The following GUCY1A2 variants were observed in gnomAD, a reference collection of about 807,000 sequenced individuals.
GUCY1A2 encodes guanylate cyclase 1 soluble subunit alpha 2.
GUCY1A2 carries 27 observed loss-of-function variants against 63.5 expected under a neutral mutation model. The observed-to-expected ratio is 0.43, with a 90% CI of 0.31 to 0.59. GUCY1A2 has a LOEUF of 0.59. GUCY1A2 is among the 20% of genes least tolerant of loss of function. The pLI is 0.11. For missense variants in GUCY1A2, 768 were observed against 913.3 expected (o/e 0.84, Z 2.05); for synonymous variants, 364 against 343.5 (o/e 1.06, Z -0.66).
At chr11:106,690,585 T>C (rs1862605693) in intron 7 of GUCY1A2, among the ~76,000 whole-genome samples, 2 of 152,164 alleles carry the variant, frequency 1.3e-5, no homozygotes, top group African/African-American at 4.8e-5. Context: ...GGCAGTAGTC[T>C]TAATACCTTG....
At chr11:106,789,374 A>T (rs1864619835) in intron 5 of GUCY1A2, among the ~76,000 whole-genome samples, 1 of 152,208 alleles carries the variant, frequency 6.6e-6, no homozygotes, top group African/African-American at 2.4e-5. Context: ...TACCTGACAG[A>T]ATTCTGAATT....
intron 4 of GUCY1A2, among the ~76,000 whole-genome samples, chr11:106,938,086 C>T (rs557209049): frequency 2.0e-4 from 31 of 152,076 alleles, no homozygotes; most frequent in Admixed American, 1.2e-3. Context: ...TACAGGCACC[C>T]GCCACCATGC....
chr11:106,898,809 A>T (rs924346415), intron 4 of GUCY1A2, among the ~76,000 whole-genome samples: 1 of 152,182 alleles, frequency 6.6e-6, no homozygotes, highest in African/African-American at 2.4e-5. Flanking sequence ...AAACCCATAG[A>T]TTACACAACA....
rs1258267514 is a variant in GUCY1A2, at chr11:106,688,280, T to C, written c.1992-524A>G. On this transcript the variant is annotated intron_variant, in intron 7 of 7. Transcript: ENST00000526355. Reference sequence around the variant, plus strand: ...TTCGTGACTCCCAATGTCTCTGATATCTGCTTGCTGATTTCTAGCCAAGCA... The same window carrying C: ...TTCGTGACTCCCAATGTCTCTGATACCTGCTTGCTGATTTCTAGCCAAGCA... Among the ~76,000 whole-genome samples the C allele has an allele frequency of 2.6e-5, 4 of 152,310 alleles. No homozygotes were observed. The South Asian group carries it at 8.3e-4, about 32-fold the overall frequency.
At chr11:106,726,589 G>A (rs917996210) in intron 6 of GUCY1A2, among the ~76,000 whole-genome samples, 1 of 152,192 alleles carries the variant, frequency 6.6e-6, no homozygotes, top group African/African-American at 2.4e-5. Flanking sequence ...AACACTACAG[G>A]CTAAAAGTTT....
rs1014575000 is a variant in GUCY1A2, at chr11:106,836,825, T to G, written c.1207-26347A>C. Among the ~76,000 whole-genome samples, 10 of 151,996 alleles carry G rather than the reference T, an allele frequency of 6.6e-5. 1 individual carries two copies. The highest frequency in any genetic ancestry group is 1.9e-4 in the African/African-American group (8 of 41,426). ...GTACTATAATCTTATGCAGTTATGA[T>G]GTAATACTACATCTTTACATTTGTT... On this transcript the variant is annotated intron_variant, in intron 4 of 7. Coordinates refer to ENST00000526355, the MANE Select transcript of GUCY1A2 (RefSeq NM_000855.3).
At chr11:106,946,625 A>C (rs1860832973) in intron 3 of GUCY1A2, among the ~76,000 whole-genome samples, 1 of 152,186 alleles carries the variant, frequency 6.6e-6, no homozygotes, top group Non-Finnish European at 1.5e-5. Flanking sequence ...ACAGAATAAA[A>C]AGAGACAAAG....
intron 6 of GUCY1A2, among the ~76,000 whole-genome samples, chr11:106,720,928 T>A (rs1334980520): frequency 6.6e-6 from 1 of 152,200 alleles, no homozygotes; most frequent in Non-Finnish European, 1.5e-5. Flanking sequence ...TGGGTGAAAC[T>A]GGGTGTGGGA....
chr11:106,878,565 G>T (rs1158013786), intron 4 of GUCY1A2, among the ~76,000 whole-genome samples: 1 of 151,990 alleles, frequency 6.6e-6, no homozygotes, highest in East Asian at 1.9e-4. Flanking sequence ...TTTTAAGTGG[G>T]AGCCAAAAGA....
At chr11:106,901,510 A>C (rs376915020) in intron 4 of GUCY1A2, among the ~76,000 whole-genome samples, 4 of 152,300 alleles carry the variant, frequency 2.6e-5, no homozygotes, top group African/African-American at 9.6e-5. Flanking sequence ...TTTTGAAATT[A>C]TACTTTAAGT....
chr11:106,884,955 T>C lies in GUCY1A2; in HGVS notation c.1206+54505A>G, dbSNP rs116092486. ...ATTCCCGGCCTAGTCAGCCACTCAA[T>C]AGCTCTCTTTTTTCTTTGCTATTCT... is the stretch of plus-strand genomic sequence containing the variant. On this transcript the variant is annotated intron_variant, in intron 4 of 7. Transcript: ENST00000526355. 5.8e-3 allele frequency among the ~76,000 whole-genome samples: 878 copies of C among 152,254 alleles called. 6 individuals carry two copies. Among genetic ancestry groups the C allele is most frequent in the African/African-American group, 0.02 (846 of 41,556 alleles).
intron 4 of GUCY1A2, among the ~76,000 whole-genome samples, chr11:106,816,768 T>C (rs79478749): frequency 0.05 from 7,537 of 151,928 alleles, 340 homozygotes; most frequent in African/African-American, 0.12. Context: ...AGATAGGGGT[T>C]ATCACTATAG....
intron 1 of GUCY1A2, among the ~76,000 whole-genome samples, chr11:106,992,354 G>A (rs959391266): frequency 1.7e-5 from 2 of 119,616 alleles, no homozygotes; most frequent in Admixed American, 1.0e-4. Flanking sequence ...TTTTGATACC[G>A]AGTCTCGCTC....
chr11:106,811,484 C>T (rs1327365339), intron 4 of GUCY1A2, among the ~76,000 whole-genome samples: 2 of 152,062 alleles, frequency 1.3e-5, no homozygotes, highest in Non-Finnish European at 2.9e-5. Flanking sequence ...CATCTATGTT[C>T]CACTACTACA....
chr11:106,872,804 A>T (rs1322076528), intron 4 of GUCY1A2, among the ~76,000 whole-genome samples: 1 of 152,120 alleles, frequency 6.6e-6, no homozygotes, highest in African/African-American at 2.4e-5. Context: ...CTTTTTTAAA[A>T]TTTTACTTTA....
chr11:106,986,777 T>A (rs1336578102), intron 1 of GUCY1A2, among the ~76,000 whole-genome samples: 3 of 152,100 alleles, frequency 2.0e-5, no homozygotes, highest in Non-Finnish European at 4.4e-5. Flanking sequence ...TTCCTCCATG[T>A]CCCAAGAGAA....
intron 6 of GUCY1A2, among the ~76,000 whole-genome samples, chr11:106,747,517 C>G (rs1206723792): frequency 1.3e-5 from 2 of 152,142 alleles, no homozygotes; most frequent in African/African-American, 4.8e-5. Flanking sequence ...AGGATTAGTA[C>G]TAATAGTGTT....
intron 1 of GUCY1A2, among the ~76,000 whole-genome samples, chr11:107,014,608 G>A (rs1055838784): frequency 5.9e-5 from 9 of 152,050 alleles, no homozygotes; most frequent in Non-Finnish European, 1.2e-4. Flanking sequence ...CAACATCGGT[G>A]CATCTTAAAG....
At chr11:107,005,681 T>C (rs1486917641) in intron 1 of GUCY1A2, among the ~76,000 whole-genome samples, 1 of 152,206 alleles carries the variant, frequency 6.6e-6, no homozygotes, top group Non-Finnish European at 1.5e-5. Context: ...CATTTGATAA[T>C]AAATGCTGTC....
Sources: allele counts gnomAD v4.1 joint callset (sites outside exome capture counted in the v4.1 genomes callset), GRCh38; gene constraint gnomAD v4.1.1; transcripts MANE v1.5; gene names NCBI Gene and HGNC (gene_info 2026-07-23, HGNC 2026-07-21).